The following DNAH17 variants were observed in gnomAD, a reference collection of about 807,000 sequenced individuals.
The protein encoded by DNAH17 is axonemal beta dynein heavy chain 17.
Under a neutral mutation model 485.6 loss-of-function variants are expected in DNAH17, and 376 were observed. The ratio of observed to expected loss-of-function variants is 0.77; its 90% CI spans 0.71 to 0.84. The LOEUF (loss-of-function observed/expected upper bound fraction) is 0.84, where lower values mean the gene tolerates loss of function less well. Among genes scored for constraint, DNAH17 ranks in the 40% least tolerant of loss-of-function variants. DNAH17 has a pLI of 0.00. For missense variants in DNAH17, 6,370 were observed against 5,839.3 expected (o/e 1.09, Z -2.96); for synonymous variants, 3,031 against 2,405.9 (o/e 1.26, Z -7.60).
intron 11 of DNAH17, among the ~76,000 whole-genome samples, chr17:78,565,027 C>A (rs2092239359): frequency 6.6e-6 from 1 of 152,162 alleles, no homozygotes; most frequent in Non-Finnish European, 1.5e-5. Flanking sequence ...GTCTGATTAC[C>A]CTAACCTGCT....
chr17:78,531,921 C>A (rs2091250941), intron 20 of DNAH17, among the ~76,000 whole-genome samples: 1 of 152,222 alleles, frequency 6.6e-6, no homozygotes. Flanking sequence ...CCATGGACGA[C>A]CCCTCCCAGG....
intron 71 of DNAH17, among the ~76,000 whole-genome samples, chr17:78,442,156 G>A (rs2087101281): frequency 6.6e-6 from 1 of 152,152 alleles, no homozygotes; most frequent in Non-Finnish European, 1.5e-5. Context: ...GCATCCCGAA[G>A]GGTGAGAACT....
intron 2 of DNAH17, among the ~76,000 whole-genome samples, 183 bp from the exon 3 acceptor site, chr17:78,573,077 CTG>C (rs1354404896): frequency 6.6e-6 from 1 of 152,098 alleles, no homozygotes; most frequent in Non-Finnish European, 1.5e-5. Context: ...CCTGGGAAAA[CTG>C]GATCCTTCTT....
chr17:78,494,231 C>T, intron 40 of DNAH17, 58 bp from the exon 41 acceptor site: 2 of 1,569,282 alleles, frequency 1.3e-6, no homozygotes, highest in South Asian at 2.3e-5. Context: ...TTTCTTCTCG[C>T]TGGGAGGCTG....
intron 11 of DNAH17, among the ~76,000 whole-genome samples, chr17:78,564,581 G>A (rs935985972): frequency 2.0e-5 from 3 of 151,962 alleles, no homozygotes; most frequent in Non-Finnish European, 2.9e-5. Context: ...CAGTCCTGAC[G>A]CTTTTGTGTT....
At chr17:78,459,307 G>A (rs1266123223) in intron 60 of DNAH17, 99 bp from the exon 61 acceptor site, 6 of 1,163,056 alleles carry the variant, frequency 5.2e-6, no homozygotes, top group Non-Finnish European at 7.6e-6. Context: ...GCACAGCTCT[G>A]GAGGGGCAGC....
intron 63 of DNAH17, 99 bp from the exon 64 acceptor site, chr17:78,454,804 G>A: frequency 1.9e-6 from 2 of 1,079,908 alleles, no homozygotes; most frequent in South Asian, 1.5e-5. Flanking sequence ...GCTGCGGTTA[G>A]GGGTGGACCA....
Position 78,572,686 on chromosome 17 carries a change from G to C in DNAH17, c.539+15C>G. 6.3e-7 allele frequency: 1 copy of C among 1,588,180 alleles called. No homozygotes were observed. Among genetic ancestry groups the C allele is most frequent in the Non-Finnish European group, 8.6e-7 (1 of 1,167,718 alleles). On this transcript the variant is annotated intron_variant, in intron 3 of 80. Coordinates refer to ENST00000389840, the MANE Select transcript of DNAH17 (RefSeq NM_173628.4). Reference sequence around the variant, plus strand: ...CCCCACCCAGCGGCAGCCGGAAGCAGCTGGGCCCACACACCTCTCCATGGA... The same window carrying C: ...CCCCACCCAGCGGCAGCCGGAAGCACCTGGGCCCACACACCTCTCCATGGA...
intron 23 of DNAH17, 33 bp downstream of exon 23, chr17:78,526,847 G>C: frequency 6.4e-7 from 1 of 1,557,544 alleles, no homozygotes. Context: ...GCTGCTCCCC[G>C]GAAATCCCGC....
rs1432865658 is a variant in DNAH17, at chr17:78,465,519, A to G, written c.8940+1136T>C. ...TTCCCGGCCGCCATCACATCTAGGAAGTGAGGAGCGTCTCTGCCCGGCCGC... is the reference window on the plus strand; with the variant it reads ...TTCCCGGCCGCCATCACATCTAGGAGGTGAGGAGCGTCTCTGCCCGGCCGC... On this transcript the variant is annotated intron_variant, in intron 56 of 80. Transcript: ENST00000389840. Among the ~76,000 whole-genome samples the G allele has an allele frequency of 6.8e-3, 133 of 19,636 alleles. 1 individual carries two copies. Among genetic ancestry groups the G allele is most frequent in the African/African-American group, 9.4e-3 (126 of 13,440 alleles). 12.9% of individuals were successfully genotyped at this position (19,636 alleles called of 152,430 possible). A position where few individuals can be genotyped will look rare whatever the true frequency, so the allele number is the denominator to read the frequency against.
chr17:78,542,124 C>T (rs565333034), intron 17 of DNAH17, among the ~76,000 whole-genome samples: 1 of 145,948 alleles, frequency 6.9e-6, no homozygotes. Flanking sequence ...ACCGCCCCCC[C>T]CAAAAACTGC....
chr17:78,467,431 A>G (rs1038516009), intron 55 of DNAH17, among the ~76,000 whole-genome samples: 2 of 152,218 alleles, frequency 1.3e-5, no homozygotes, highest in Non-Finnish European at 2.9e-5. Flanking sequence ...TGATGACGTG[A>G]GGGTGCAGGA....
chr17:78,484,760 C>CCCCCCCCCCCCCCCCCCCCCCCA, intron 48 of DNAH17, 108 bp downstream of exon 48: 1 of 760,158 alleles, frequency 1.3e-6, no homozygotes, highest in Non-Finnish European at 1.8e-6. Context: ...CGCCCCACAC[C>CCCCCCCCCCCCCCCCCCCCCCCA]AGTCCTGCCC....
At chr17:78,511,166 G>A (rs1362566513) in intron 26 of DNAH17, among the ~76,000 whole-genome samples, 1 of 152,224 alleles carries the variant, frequency 6.6e-6, no homozygotes, top group African/African-American at 2.4e-5. Flanking sequence ...ACCTGGGCTG[G>A]AGTGCATCTT....
In DNAH17 at chr17:78,541,296, G is replaced by GGGGT. The variant is rs1285257196; in HGVS notation, c.2533-1420_2533-1417dup. Among the ~76,000 whole-genome samples the GGGGT allele has an allele frequency of 7.7e-3, 702 of 90,654 alleles. 65 individuals are homozygous for GGGGT. Among genetic ancestry groups the GGGGT allele is most frequent in the African/African-American group, 0.015 (288 of 18,924 alleles). 59.5% of individuals were successfully genotyped at this position (90,654 alleles called of 152,430 possible). A position where few individuals can be genotyped will look rare whatever the true frequency, so the allele number is the denominator to read the frequency against. On this transcript the variant is annotated intron_variant, in intron 17 of 80. Transcript: ENST00000389840. Reference sequence around the variant, plus strand: ...GGGGTAAGCAAGCAGATGGGTGGGTGGGGTGGGTGGGTGAGTGAGTGGATG... The same window carrying GGGGT: ...GGGGTAAGCAAGCAGATGGGTGGGTGGGGTGGGTGGGTGGGTGAGTGAGTGGATG...
At position 78,423,949 on chromosome 17, in the gene DNAH17, G is replaced by T. The variant is rs143246806; in HGVS notation, c.13346C>A (p.Ala4449Glu). ...CGCCACGGCTGCCAGGATCCACTTCGCTGCCTTCTCTTTGGTCTTCAAGTT... is the reference window on the plus strand; with the variant it reads ...CGCCACGGCTGCCAGGATCCACTTCTCTGCCTTCTCTTTGGTCTTCAAGTT... ...TFNLKTKEKA[A>E]KWILAAVALL... Residue 4449 changes from alanine to glutamate, a missense_variant, in exon 81 of 81, where the codon GCG (alanine) becomes GAG (glutamate). Ala to Glu is a moderately radical substitution (Grantham distance 107). Transcript: ENST00000389840. The T allele has an allele frequency of 1.9e-4, 314 of 1,613,858 alleles. 1 individual carries two copies. The highest frequency in any genetic ancestry group is 2.5e-4 in the Non-Finnish European group (299 of 1,179,884).
At chr17:78,545,308 A>G (rs1415993719) in intron 16 of DNAH17, among the ~76,000 whole-genome samples, 4 of 152,192 alleles carry the variant, frequency 2.6e-5, no homozygotes, top group Admixed American at 2.6e-4. Flanking sequence ...ATGGTCAGAA[A>G]AACGCGTTCT....
intron 54 of DNAH17, chr17:78,472,786 C>A (rs755280137): frequency 4.4e-6 from 2 of 453,598 alleles, no homozygotes; most frequent in Non-Finnish European, 4.4e-6. Context: ...TCGCACCTGC[C>A]CACTTTCAGC....
At chr17:78,508,970 T>TTTC (rs1491548925) in intron 27 of DNAH17, among the ~76,000 whole-genome samples, 1 of 20,004 alleles carries the variant, frequency 5.0e-5, no homozygotes, top group Non-Finnish European at 1.1e-4. Flanking sequence ...TGCCCAGCTG[T>TTTC]TTTTTTTTTT....
Sources: gnomAD v4.1 joint callset for allele counts (sites outside exome capture counted in the v4.1 genomes callset) on GRCh38, gnomAD v4.1.1 for gene constraint, MANE v1.5 for transcripts, NCBI Gene and HGNC (gene_info 2026-07-23, HGNC 2026-07-21) for gene names.